Variants in PHIP observed in about 807,000 individuals in gnomAD.
The protein encoded by PHIP is PH-interacting protein.
PHIP carries 54 observed loss-of-function variants against 236.8 expected under a neutral mutation model. The ratio of observed to expected loss-of-function variants is 0.23; its 90% CI spans 0.18 to 0.29. PHIP has a LOEUF of 0.29. Among genes scored for constraint, PHIP ranks in the 10% least tolerant of loss-of-function variants. The pLI is 1.00. For synonymous variants in PHIP, 756 were observed against 718.9 expected (o/e 1.05, Z -0.83); for missense variants, 1,370 against 2,190.8 (o/e 0.63, Z 7.48).
At chr6:79,065,764 C>CCCCACACACACA (rs1491391054) in intron 4 of PHIP, among the ~76,000 whole-genome samples, 2 of 143,380 alleles carry the variant, frequency 1.4e-5, no homozygotes, top group African/African-American at 5.1e-5. Flanking sequence ...CTTAACTATA[C>CCCCACACACACA]CACACACACA....
chr6:79,011,303 T>A (rs937728617), intron 15 of PHIP, among the ~76,000 whole-genome samples: 7 of 151,898 alleles, frequency 4.6e-5, no homozygotes, highest in Admixed American at 2.6e-4. Context: ...GAAATAAAAG[T>A]ACTGAAGGCC....
At chr6:79,021,209 C>T (rs184073240) in intron 9 of PHIP, among the ~76,000 whole-genome samples, 33 of 152,290 alleles carry the variant, frequency 2.2e-4, no homozygotes, top group Admixed American at 2.0e-3. Flanking sequence ...TGCAGTGACG[C>T]TATCTCAGCT....
chr6:79,023,980 T>C (rs1237829874), intron 9 of PHIP, among the ~76,000 whole-genome samples: 5 of 152,362 alleles, frequency 3.3e-5, no homozygotes, highest in African/African-American at 1.2e-4. Context: ...AACAATTAAC[T>C]ATTGCTACTG....
Position 78,971,047 on chromosome 6 carries a change from T to C in PHIP, c.2890-159A>G, listed in dbSNP as rs139018941. 3.1e-3 allele frequency among the ~76,000 whole-genome samples: 474 copies of C among 152,308 alleles called. 2 individuals are homozygous for C. The highest frequency in any genetic ancestry group is 0.01 in the African/African-American group (419 of 41,562). On this transcript the variant is annotated intron_variant, in intron 24 of 39. Coordinates refer to ENST00000275034, the MANE Select transcript of PHIP (RefSeq NM_017934.7). ...TCCTTTCTCTCAAGTTGTCTTAACA[T>C]CACTAAATCATAACCAAAGTGTTCT...
At chr6:79,035,398 GA>G (rs1740447704) in intron 7 of PHIP, among the ~76,000 whole-genome samples, 1 of 152,058 alleles carries the variant, frequency 6.6e-6, no homozygotes, top group South Asian at 2.1e-4. Flanking sequence ...TACACATTGG[GA>G]AACAGTTTAC....
At position 78,955,151 on chromosome 6, in the gene PHIP, C is replaced by T. The variant is rs182213635; in HGVS notation, c.3903+81G>A. 12 of 1,013,222 alleles carry T rather than the reference C, an allele frequency of 1.2e-5. No individual in the cohort carries two copies. In the East Asian group the frequency reaches 3.0e-4, roughly 25 times the overall value. 62.8% of individuals were successfully genotyped at this position (1,013,222 alleles called of 1,614,324 possible). On this transcript the variant is annotated intron_variant, in intron 34 of 39. Transcript: ENST00000275034. The stretch of plus-strand genomic sequence containing the variant: ...GAAATACTTAATGTCTTTTAAAATG[C>T]TAAGAGTAAAAAAATAAAGAAAGCT...
At chr6:79,041,810 G>C (rs1772230687) in intron 7 of PHIP, among the ~76,000 whole-genome samples, 1 of 152,004 alleles carries the variant, frequency 6.6e-6, no homozygotes, top group Non-Finnish European at 1.5e-5. Flanking sequence ...AATGCCTGAG[G>C]TAGATTAGAG....
At chr6:78,948,796 C>A (rs751303934) in intron 35 of PHIP, among the ~76,000 whole-genome samples, 2 of 152,176 alleles carry the variant, frequency 1.3e-5, no homozygotes, top group Non-Finnish European at 2.9e-5. Context: ...ACCTGGCCTG[C>A]AGCTTTTCAA....
intron 39 of PHIP, among the ~76,000 whole-genome samples, chr6:78,941,907 C>T (rs1773521004): frequency 6.6e-6 from 1 of 152,124 alleles, no homozygotes; most frequent in African/African-American, 2.4e-5. Context: ...GAGAGAAAAT[C>T]TGGCAATCAA....
intron 4 of PHIP, among the ~76,000 whole-genome samples, chr6:79,067,063 T>C (rs1773659654): frequency 6.6e-6 from 1 of 152,148 alleles, no homozygotes; most frequent in Non-Finnish European, 1.5e-5. Context: ...TTTTATTTTA[T>C]TTTTTTAGAT....
chr6:79,073,242 G>C (rs1773982758), intron 4 of PHIP, among the ~76,000 whole-genome samples: 1 of 152,126 alleles, frequency 6.6e-6, no homozygotes, highest in Non-Finnish European at 1.5e-5. Context: ...CTATATGTAA[G>C]AAAGAATGAA....
In PHIP at chr6:79,002,019, G is replaced by A. The variant is rs1246073850; in HGVS notation, c.1759C>T (p.Pro587Ser). The A allele has an allele frequency of 6.2e-7, 1 of 1,613,164 alleles. No individual in the cohort carries two copies. Among genetic ancestry groups the A allele is most frequent in the Middle Eastern group, 1.6e-4 (1 of 6,062 alleles). ...CCATCAACATCAACCAAAAAAGGGG[G>A]AGGCATAAGATGAGGTGCTTGCTGA... is the stretch of plus-strand genomic sequence containing the variant. ...QTQQAPHLMPPPFLVDVDGNP... is the reference protein window; with the variant it reads ...QTQQAPHLMPSPFLVDVDGNP... The change falls in exon 17 of 40, where the codon CCC becomes TCC. Residue 587 changes from proline to serine, a missense_variant. Around this residue, in one of 14 missense-constraint regions of PHIP, gnomAD observed 133 missense variants for 245.2 expected, o/e 0.54. Coordinates refer to ENST00000275034, the MANE Select transcript of PHIP (RefSeq NM_017934.7).
chr6:78,970,714 G>C (rs1767476609), intron 25 of PHIP, 67 bp downstream of exon 25: 1 of 1,001,774 alleles, frequency 1.0e-6, no homozygotes, highest in Non-Finnish European at 1.5e-6. Flanking sequence ...AGTAACCTTT[G>C]ATACAATTTT....
At chr6:79,007,870 CTT>C (rs141239535) in intron 15 of PHIP, among the ~76,000 whole-genome samples, 1 of 151,816 alleles carries the variant, frequency 6.6e-6, no homozygotes, top group African/African-American at 2.4e-5. Flanking sequence ...ATTAAAAAAA[CTT>C]TTAGATTAGA....
intron 7 of PHIP, among the ~76,000 whole-genome samples, chr6:79,028,649 C>T (rs925385375): frequency 9.9e-5 from 15 of 152,214 alleles, no homozygotes; most frequent in Non-Finnish European, 1.5e-4. Context: ...AACATATTCA[C>T]TACATTTGGT....
intron 24 of PHIP, among the ~76,000 whole-genome samples, chr6:78,972,656 G>C (rs946606915): frequency 1.3e-5 from 2 of 152,132 alleles, no homozygotes; most frequent in African/African-American, 2.4e-5. Context: ...TGTGTAACTA[G>C]AATAATCAAT....
At chr6:78,997,669 G>GA (rs1156348752) in intron 18 of PHIP, 72 bp from the exon 19 acceptor site, 11 of 1,150,174 alleles carry the variant, frequency 9.6e-6, no homozygotes, top group African/African-American at 9.5e-5. Flanking sequence ...AGAAAAAAGA[G>GA]ATAAAACACT....
intron 7 of PHIP, among the ~76,000 whole-genome samples, chr6:79,034,148 C>T (rs1401284815): frequency 6.6e-6 from 1 of 152,090 alleles, no homozygotes; most frequent in African/African-American, 2.4e-5. Flanking sequence ...AAGACTTGAG[C>T]ATATGTTGTT....
chr6:78,954,929 G>A lies in PHIP; in HGVS notation c.3938C>T (p.Ala1313Val), dbSNP rs1766313286. The change falls in exon 35 of 40, where the codon GCC becomes GTC. Residue 1313 changes from alanine to valine, a missense_variant. By Grantham distance (64) the Ala-to-Val change is moderately conservative (BLOSUM62 0). Around this residue, in one of 14 missense-constraint regions of PHIP, gnomAD observed 125 missense variants for 235.1 expected, o/e 0.53. Coordinates refer to ENST00000275034, the MANE Select transcript of PHIP (RefSeq NM_017934.7). The part of the protein sequence containing the change: ...HQPRRRLRNR[A>V]QSYDIQAWKK... ...CCATGCTTGAATATCGTAAGACTGG[G>A]CTCTATTACGTAATCTTCTTCTAGG... 2 of 1,575,826 alleles carry A rather than the reference G, an allele frequency of 1.3e-6. No homozygotes were observed. Among genetic ancestry groups the A allele is most frequent in the South Asian group, 2.4e-5 (2 of 85,030 alleles).
Sources: allele counts gnomAD v4.1 joint callset (sites outside exome capture counted in the v4.1 genomes callset), GRCh38; gene constraint gnomAD v4.1.1; regional missense constraint gnomAD v4.1.1; transcripts MANE v1.5; gene names NCBI Gene and HGNC (gene_info 2026-07-23, HGNC 2026-07-21).